Variants in VRK2 observed in about 807,000 individuals in gnomAD.
VRK2 encodes the protein serine/threonine-protein kinase VRK2.
VRK2 carries 60 observed loss-of-function variants against 57.6 expected under a neutral mutation model. The observed-to-expected ratio is 1.04, with a 90% CI of 0.85 to 1.29. The LOEUF (loss-of-function observed/expected upper bound fraction) is 1.29. Among genes scored for constraint, VRK2 ranks in the 50% most tolerant of loss-of-function variants. VRK2 has a pLI of 0.00. For synonymous variants in VRK2, 231 were observed against 199.2 expected, an observed-to-expected ratio of 1.16 and a Z score of -1.35; for missense variants, 705 against 588.1, an observed-to-expected ratio of 1.20 and a Z score of -2.06.
chr2:58,060,211 G>A (rs1043493434), intron 2 of VRK2, among the ~76,000 whole-genome samples: 23 of 151,894 alleles, frequency 1.5e-4, no homozygotes, highest in Admixed American at 1.4e-3. Flanking sequence ...GGTAAATGTT[G>A]CTGTGTGATG....
At chr2:57,965,169 T>C (rs184382049) in intron 1 of VRK2, among the ~76,000 whole-genome samples, 2 of 152,326 alleles carry the variant, frequency 1.3e-5, no homozygotes, top group Admixed American at 1.3e-4. Flanking sequence ...ATCATCATCA[T>C]ACAATGAAAT....
At chr2:57,987,458 T>A (rs1048594054) in intron 1 of VRK2, among the ~76,000 whole-genome samples, 2 of 152,164 alleles carry the variant, frequency 1.3e-5, no homozygotes, top group African/African-American at 4.8e-5. Flanking sequence ...GAGATACTAC[T>A]ACATACCTAT....
intron 2 of VRK2, among the ~76,000 whole-genome samples, chr2:58,030,415 G>C (rs759570297): frequency 1.3e-5 from 2 of 151,982 alleles, no homozygotes; most frequent in Non-Finnish European, 2.9e-5. Context: ...ATACTTTGCT[G>C]TATAGACTTT....
chr2:58,053,064 A>G (rs1675993189), intron 2 of VRK2, among the ~76,000 whole-genome samples: 1 of 152,174 alleles, frequency 6.6e-6, no homozygotes, highest in South Asian at 2.1e-4. Context: ...TTTGCCTGAG[A>G]AATTGAGACT....
chr2:58,069,590 C>G (rs1279187570), intron 2 of VRK2, among the ~76,000 whole-genome samples: 1 of 152,126 alleles, frequency 6.6e-6, no homozygotes, highest in South Asian at 2.1e-4. Context: ...ATACCACTCT[C>G]TTTTGGGACC....
At chr2:57,958,521 AT>A (rs1671658916) in intron 1 of VRK2, among the ~76,000 whole-genome samples, 1 of 151,846 alleles carries the variant, frequency 6.6e-6, no homozygotes, top group Non-Finnish European at 1.5e-5. Context: ...TCACATATAT[AT>A]GATTGTATTT....
At chr2:58,029,970 A>G (rs728574) in intron 2 of VRK2, among the ~76,000 whole-genome samples, 16,626 of 152,136 alleles carry the variant, frequency 0.11, 1,029 homozygotes, top group African/African-American at 0.16. Flanking sequence ...TAGTTATTTA[A>G]ATTAATTGCT....
At chr2:57,968,203 C>A (rs975834934) in intron 1 of VRK2, among the ~76,000 whole-genome samples, 2 of 151,752 alleles carry the variant, frequency 1.3e-5, no homozygotes, top group Non-Finnish European at 2.9e-5. Context: ...AAAAAAATTA[C>A]CTTTAGTATG....
chr2:58,083,351 ATCTTT>A (rs1671165829), intron 2 of VRK2, among the ~76,000 whole-genome samples: 1 of 151,888 alleles, frequency 6.6e-6, no homozygotes, highest in African/African-American at 2.4e-5. Flanking sequence ...TTTGAAAACA[ATCTTT>A]TAATAATTTA....
chr2:58,043,855 A>G (rs527952471), upstream of VRK2, among the ~76,000 whole-genome samples: 1 of 152,356 alleles, frequency 6.6e-6, no homozygotes, highest in African/African-American at 2.4e-5. Context: ...AGAGAGTTCC[A>G]AGTTGTTCCA....
chr2:58,011,781 C>T (rs903119569), intron 1 of VRK2, among the ~76,000 whole-genome samples: 7 of 152,196 alleles, frequency 4.6e-5, no homozygotes, highest in Admixed American at 2.6e-4. Flanking sequence ...TAGAGATTCT[C>T]ATTGTTATGC....
At chr2:58,109,896 C>G (rs930379691) in intron 7 of VRK2, among the ~76,000 whole-genome samples, 2 of 152,092 alleles carry the variant, frequency 1.3e-5, no homozygotes, top group African/African-American at 4.8e-5. Context: ...TGGGGTCTTA[C>G]TCTGTTGCCC....
rs1485899190 is a variant in VRK2 at position 58,146,459 on chromosome 2, C to T, written c.1167C>T (p.Asn389=). The T allele has an allele frequency of 3.1e-6, 5 of 1,609,898 alleles. No homozygotes were observed. The highest frequency in any genetic ancestry group is 3.4e-6 in the Non-Finnish European group (4 of 1,177,436). The change falls in exon 12 of 13, where the codon AAC becomes AAT. Residue 389 remains asparagine, a synonymous_variant. Coordinates refer to ENST00000340157, the MANE Select transcript of VRK2 (RefSeq NM_006296.7). ...AGGAGAAACTGATTGGATTGATGAA[C>T]AATGAAGCAGCTCAGGTGAGAGGGT... The part of the protein sequence containing the change: ...QKEEKLIGLM[N]NEAAQESTRR...
Position 58,120,076 on chromosome 2 carries a change from T to C in VRK2, c.544-3025T>C, listed in dbSNP as rs140581695. 9.1e-3 allele frequency among the ~76,000 whole-genome samples: 1,376 copies of C among 152,036 alleles called. 13 individuals carry two copies. The highest frequency in any genetic ancestry group is 0.024 in the Middle Eastern group (7 of 294). On this transcript the variant is annotated intron_variant, in intron 7 of 12. Transcript: ENST00000340157. ...CTCCTCAAGGTTGCACCCATGCATGTTGTAAAATGTTTTTAGGTCTGAAAT... is the reference window on the plus strand; with the variant it reads ...CTCCTCAAGGTTGCACCCATGCATGCTGTAAAATGTTTTTAGGTCTGAAAT...
At chr2:58,083,900 C>A (rs978478029) in intron 2 of VRK2, among the ~76,000 whole-genome samples, 189 bp from the exon 3 acceptor site, 7 of 151,792 alleles carry the variant, frequency 4.6e-5, no homozygotes, top group Non-Finnish European at 1.0e-4. Flanking sequence ...GCAATTTATT[C>A]AACGTCTCAA....
intron 7 of VRK2, among the ~76,000 whole-genome samples, chr2:58,101,633 A>G (rs1467846622): frequency 6.6e-6 from 1 of 151,492 alleles, no homozygotes; most frequent in African/African-American, 2.4e-5. Context: ...TTCTCTTTCT[A>G]TAAATCCAGC....
At chr2:58,088,559 C>A in intron 6 of VRK2, 113 bp downstream of exon 6, 1 of 853,218 alleles carries the variant, frequency 1.2e-6, no homozygotes, top group Non-Finnish European at 1.9e-6. Context: ...GCCCTAGAGA[C>A]ATCAGTTATT....
intron 1 of VRK2, among the ~76,000 whole-genome samples, chr2:57,962,434 T>A (rs1018727017): frequency 6.6e-6 from 1 of 152,128 alleles, no homozygotes; most frequent in Non-Finnish European, 1.5e-5. Flanking sequence ...TTAACTCTTA[T>A]TTTAGGTTCG....
At chr2:57,976,306 C>T (rs548138594) in intron 1 of VRK2, among the ~76,000 whole-genome samples, 2 of 152,228 alleles carry the variant, frequency 1.3e-5, no homozygotes, top group East Asian at 3.9e-4. Flanking sequence ...AGTGGTAGTT[C>T]TGTTTTAAGT....
Sources: allele counts gnomAD v4.1 joint callset (sites outside exome capture counted in the v4.1 genomes callset), GRCh38; gene constraint gnomAD v4.1.1; transcripts MANE v1.5; gene names NCBI Gene and HGNC (gene_info 2026-07-23, HGNC 2026-07-21).